The following EML4 variants were observed in gnomAD, a reference collection of about 807,000 sequenced individuals.
The protein encoded by EML4 is EMAP like 4.
EML4 carries 72 observed loss-of-function variants against 129.0 expected under a neutral mutation model. That is an observed-to-expected ratio of 0.56 (90% confidence interval 0.46 to 0.68). EML4 has a LOEUF of 0.68. Among genes scored for constraint, EML4 ranks in the 30% least tolerant of loss-of-function variants. The probability of loss-of-function intolerance (pLI) is 0.00; values close to 1 mark genes in which losing one functional copy is unlikely to be tolerated. For missense variants in EML4, 1,363 were observed against 1,190.6 expected (o/e 1.14, Z -2.13); for synonymous variants, 532 against 405.0 (o/e 1.31, Z -3.77).
chr2:42,194,050 A>G (rs545973801), intron 1 of EML4, among the ~76,000 whole-genome samples: 1 of 152,184 alleles, frequency 6.6e-6, no homozygotes, highest in Non-Finnish European at 1.5e-5. Flanking sequence ...TTTCCCTTTT[A>G]CCATTTTTAG....
At chr2:42,189,312 C>G (rs1279753867) in intron 1 of EML4, among the ~76,000 whole-genome samples, 2 of 152,200 alleles carry the variant, frequency 1.3e-5, no homozygotes, top group Non-Finnish European at 2.9e-5. Context: ...TCCTATCCCA[C>G]TACCAAGGGA....
In EML4 at chr2:42,229,191, A is replaced by G. The variant is rs539068967; in HGVS notation, c.26-16314A>G. Among the ~76,000 whole-genome samples, 13 of 152,306 alleles carry G rather than the reference A, an allele frequency of 8.5e-5. No homozygotes were observed. The South Asian group carries it at 2.1e-3, about 24-fold the overall frequency. ...ATGATTATAGTAGTAGCTAACATTT[A>G]TAAAAAGGAAAATTTCACTATTTGT... On this transcript the variant is annotated intron_variant, in intron 1 of 22. Transcript: ENST00000318522.
At position 42,263,244 on chromosome 2, in the gene EML4, T is replaced by G; in HGVS notation, c.579T>G (p.Asn193Lys). ...GGGAAAATTCAGATGATAGCCGTAA[T>G]AAATTGTCGAAAATACCTTCAACAC... is the stretch of plus-strand genomic sequence containing the variant. ...NSWENSDDSR[N>K]KLSKIPSTPK... Residue 193 changes from asparagine to lysine, a missense_variant, in exon 5 of 23, where the codon AAT (asparagine) becomes AAG (lysine). By Grantham distance (94) the Asn-to-Lys change is moderately conservative (BLOSUM62 0). Coordinates refer to ENST00000318522, the MANE Select transcript of EML4 (RefSeq NM_019063.5). The G allele has an allele frequency of 1.9e-6, 3 of 1,613,526 alleles. No homozygotes were observed. Among genetic ancestry groups the G allele is most frequent in the Non-Finnish European group, 2.5e-6 (3 of 1,179,798 alleles).
chr2:42,240,988 AT>A (rs1674993907), intron 1 of EML4, among the ~76,000 whole-genome samples: 1 of 152,138 alleles, frequency 6.6e-6, no homozygotes, highest in Non-Finnish European at 1.5e-5. Context: ...CTACAAAAAA[AT>A]AAAAGTTAGC....
Position 42,330,005 on chromosome 2 carries a change from G to T in EML4, c.2744G>T (p.Arg915Ile). 6.2e-7 allele frequency: 1 copy of T among 1,613,802 alleles called. No individual in the cohort carries two copies. The change falls in exon 23 of 23, where the codon AGA becomes ATA. Residue 915 changes from arginine (R) to isoleucine (I), a missense_variant. Coordinates refer to ENST00000318522, the MANE Select transcript of EML4 (RefSeq NM_019063.5). ...PLNETAEEESRISSSPTLLEN... is the reference protein window; with the variant it reads ...PLNETAEEESIISSSPTLLEN... ...AATGAGACAGCTGAAGAGGAAAGTA[G>T]AATAAGCAGTTCTCCCACACTTCTG...
chr2:42,199,893 A>T (rs564630719), intron 1 of EML4, among the ~76,000 whole-genome samples: 4 of 152,142 alleles, frequency 2.6e-5, no homozygotes, highest in Non-Finnish European at 4.4e-5. Flanking sequence ...GAAAGAGACC[A>T]TTTGCTTTAA....
In EML4 at chr2:42,326,166, A is replaced by G; in HGVS notation, c.2255A>G (p.Asn752Ser). 6.2e-7 allele frequency: 1 copy of G among 1,613,724 alleles called. No individual in the cohort carries two copies. The highest frequency in any genetic ancestry group is 1.1e-5 in the South Asian group (1 of 91,024). ...DYEILYWDIP[N>S]GCKLIRNRSD... The stretch of plus-strand genomic sequence containing the variant: ...TCTAAATTTAAAGGGGACATTCCAA[A>G]TGGCTGCAAACTAATCAGGAATCGA... The change falls in exon 21 of 23, where the codon AAT (asparagine) becomes AGT (serine). Residue 752 changes from asparagine to serine, a missense_variant. Coordinates refer to ENST00000318522, the MANE Select transcript of EML4 (RefSeq NM_019063.5).
chr2:42,200,432 C>CT (rs1672161927), intron 1 of EML4, among the ~76,000 whole-genome samples: 1 of 152,170 alleles, frequency 6.6e-6, no homozygotes, highest in African/African-American at 2.4e-5. Context: ...AGAGAGCAGT[C>CT]TTTTTTGAAT....
At chr2:42,202,900 T>A (rs1300509957) in intron 1 of EML4, among the ~76,000 whole-genome samples, 1 of 152,152 alleles carries the variant, frequency 6.6e-6, no homozygotes, top group African/African-American at 2.4e-5. Context: ...GGGTGGTGTA[T>A]GCCTGTAGTC....
At chr2:42,323,094 C>G (rs1028743963) in intron 19 of EML4, among the ~76,000 whole-genome samples, 7 of 152,126 alleles carry the variant, frequency 4.6e-5, no homozygotes, top group African/African-American at 1.7e-4. Flanking sequence ...CTATTGAAAG[C>G]TTTGCACAAA....
At chr2:42,241,716 G>T (rs10174931) in intron 1 of EML4, among the ~76,000 whole-genome samples, 2,921 of 152,264 alleles carry the variant, frequency 0.019, 93 homozygotes, top group African/African-American at 0.067. Flanking sequence ...TTGTTAGAAT[G>T]CAGCATAGAA....
chr2:42,189,407 T>C (rs1293530902), intron 1 of EML4, among the ~76,000 whole-genome samples: 1 of 152,160 alleles, frequency 6.6e-6, no homozygotes, highest in Admixed American at 6.5e-5. Flanking sequence ...AGCAAGACCA[T>C]GTCTCTACTA....
In EML4 at chr2:42,330,997, C is replaced by G. The variant is rs1572774138; in HGVS notation, c.*790C>G. On this transcript the variant is annotated 3_prime_UTR_variant, in exon 23 of 23. Coordinates refer to ENST00000318522, the MANE Select transcript of EML4 (RefSeq NM_019063.5). ...CCAAGGAGTCCTTTACTAGCCTAAA[C>G]ATTCTCAAATGTTTGAGATTCAAGT... 4.7e-6 allele frequency: 1 copy of G among 211,600 alleles called. No individual in the cohort carries two copies. Among genetic ancestry groups the G allele is most frequent in the East Asian group, 7.1e-5 (1 of 13,990 alleles). 13.1% of individuals were successfully genotyped at this position (211,600 alleles called of 1,614,324 possible). A position where few individuals can be genotyped will look rare whatever the true frequency, so the allele number is the denominator to read the frequency against.
intron 1 of EML4, among the ~76,000 whole-genome samples, chr2:42,188,900 C>T (rs13399769): frequency 6.6e-6 from 1 of 152,160 alleles, no homozygotes; most frequent in Non-Finnish European, 1.5e-5. Flanking sequence ...GAGTCCAAGG[C>T]AGGAGGATCG....
intron 1 of EML4, among the ~76,000 whole-genome samples, chr2:42,179,260 T>TG (rs1202146025): frequency 9.8e-6 from 1 of 101,934 alleles, no homozygotes; most frequent in Non-Finnish European, 2.1e-5. Context: ...GTCGGGGAGC[T>TG]GGGTTTTTTT....
At chr2:42,256,397 T>G in intron 2 of EML4, 104 bp from the exon 3 acceptor site, 1 of 1,148,794 alleles carries the variant, frequency 8.7e-7, no homozygotes, top group South Asian at 1.7e-5. Flanking sequence ...ATACTTAATT[T>G]TTTTTCTACC....
chr2:42,204,328 T>C (rs1672412994), intron 1 of EML4, among the ~76,000 whole-genome samples: 1 of 152,210 alleles, frequency 6.6e-6, no homozygotes, highest in Non-Finnish European at 1.5e-5. Flanking sequence ...CCCAGGTTGG[T>C]CTGATTTCAG....
Position 42,264,801 on chromosome 2 carries a change from T to C in EML4, c.667+70T>C, listed in dbSNP as rs76732891. 3,188 of 1,417,528 alleles carry C rather than the reference T, an allele frequency of 2.2e-3. 56 individuals are homozygous for C. In the African/African-American group the frequency reaches 0.04, roughly 18 times the overall value. The allele number at this position is 1,417,528 out of a possible 1,614,324, so 87.8% of individuals were successfully genotyped here. A position where few individuals can be genotyped will look rare whatever the true frequency, so the allele number is the denominator to read the frequency against. On this transcript the variant is annotated intron_variant, in intron 6 of 22. Transcript: ENST00000318522. ...TTTAATTTTTGCTAATTGAAAAGAA[T>C]ATTTTCATCCAGTGCACTTTATCAG...
At chr2:42,171,406 T>G (rs1276663080) in intron 1 of EML4, among the ~76,000 whole-genome samples, 1 of 152,258 alleles carries the variant, frequency 6.6e-6, no homozygotes, top group East Asian at 1.9e-4. Flanking sequence ...CTTCATCTTC[T>G]GTAAGTGTTT....
Sources: allele counts gnomAD v4.1 joint callset (sites outside exome capture counted in the v4.1 genomes callset), GRCh38; gene constraint gnomAD v4.1.1; transcripts MANE v1.5; gene names NCBI Gene and HGNC (gene_info 2026-07-23, HGNC 2026-07-21).